The following SEC23IP variants were observed in gnomAD, a reference collection of about 807,000 sequenced individuals.
SEC23IP encodes SEC23-interacting protein.
Under a neutral mutation model 113.4 loss-of-function variants are expected in SEC23IP, and 70 were observed. The ratio of observed to expected loss-of-function variants is 0.62; its 90% confidence interval spans 0.51 to 0.75. The LOEUF (loss-of-function observed/expected upper bound fraction) is 0.75. Among genes scored for constraint, SEC23IP ranks in the 30% least tolerant of loss-of-function variants. SEC23IP has a pLI of 0.00. For missense variants in SEC23IP, 1,160 were observed against 1,204.9 expected, an observed-to-expected ratio of 0.96 and a Z score of 0.55; for synonymous variants, 398 against 421.0, an observed-to-expected ratio of 0.95 and a Z score of 0.67.
intron 18 of SEC23IP, among the ~76,000 whole-genome samples, chr10:119,939,460 A>C (rs1855894895): frequency 6.6e-6 from 1 of 152,006 alleles, no homozygotes; most frequent in East Asian, 1.9e-4. Flanking sequence ...GGCGGATCAC[A>C]AGGTCAGGAG....
chr10:119,902,949 C>A lies in SEC23IP; in HGVS notation c.847C>A (p.Gln283Lys). The change falls in exon 3 of 19, where the codon CAA (glutamine) becomes AAA (lysine). Residue 283 changes from glutamine (Q) to lysine (K), a missense_variant. Gln to Lys is a moderately conservative substitution (Grantham distance 53). Transcript: ENST00000369075. ...TTACTGCAAGGAGGTAGAATACAAA[C>A]AACTGTGGATGCCTTTTAGTGTGTT... ...WFYCKEVEYK[Q>K]LWMPFSVFDS... 1.9e-6 allele frequency: 3 copies of A among 1,614,198 alleles called. No homozygotes were observed. Among genetic ancestry groups the A allele is most frequent in the Non-Finnish European group, 2.5e-6 (3 of 1,180,028 alleles).
chr10:119,904,438 T>A, intron 4 of SEC23IP, 161 bp downstream of exon 4: 1 of 632,586 alleles, frequency 1.6e-6, no homozygotes, highest in South Asian at 2.0e-5. Context: ...TCATCACTCA[T>A]GAGGTGCTAA....
intron 18 of SEC23IP, among the ~76,000 whole-genome samples, chr10:119,938,717 A>G (rs955314349): frequency 1.3e-5 from 2 of 152,224 alleles, no homozygotes; most frequent in African/African-American, 2.4e-5. Context: ...AAAGCAAGAC[A>G]AACAAAACCA....
intron 4 of SEC23IP, among the ~76,000 whole-genome samples, chr10:119,906,449 A>C (rs957161472): frequency 1.2e-4 from 18 of 149,286 alleles, no homozygotes; most frequent in African/African-American, 4.4e-4. Context: ...AGCTGCTTCT[A>C]AATTTTTTGT....
chr10:119,899,132 G>A (rs1468092250), intron 2 of SEC23IP, among the ~76,000 whole-genome samples, 173 bp downstream of exon 2: 2 of 152,188 alleles, frequency 1.3e-5, no homozygotes, highest in African/African-American at 4.8e-5. Flanking sequence ...ATAGCTTATT[G>A]GATGGCTCAT....
intron 12 of SEC23IP, among the ~76,000 whole-genome samples, chr10:119,922,760 T>C (rs1855289048): frequency 6.6e-6 from 1 of 152,190 alleles, no homozygotes; most frequent in African/African-American, 2.4e-5. Flanking sequence ...AAGAGGTATC[T>C]TTCATGTCAT....
intron 12 of SEC23IP, among the ~76,000 whole-genome samples, chr10:119,924,918 C>T (rs945015325): frequency 2.0e-5 from 3 of 152,112 alleles, no homozygotes; most frequent in Non-Finnish European, 4.4e-5. Flanking sequence ...GCTGGGACTT[C>T]AGGCATGCAC....
At chr10:119,920,577 C>T (rs541354952) in intron 11 of SEC23IP, among the ~76,000 whole-genome samples, 7 of 152,254 alleles carry the variant, frequency 4.6e-5, no homozygotes, top group South Asian at 4.1e-4. Flanking sequence ...TCCACAGTTG[C>T]GCTGAGAGGA....
intron 17 of SEC23IP, 42 bp downstream of exon 17, chr10:119,933,209 G>C: frequency 6.6e-7 from 1 of 1,523,066 alleles, no homozygotes; most frequent in Non-Finnish European, 9.0e-7. Flanking sequence ...TGGGCTTTTG[G>C]TGCTAGCACG....
At chr10:119,923,111 T>C (rs1024425257) in intron 12 of SEC23IP, among the ~76,000 whole-genome samples, 1 of 152,178 alleles carries the variant, frequency 6.6e-6, no homozygotes, top group Non-Finnish European at 1.5e-5. Context: ...AAGGATTCTA[T>C]AGTTCTTGAA....
chr10:119,911,911 T>G, intron 5 of SEC23IP, 133 bp from the exon 6 acceptor site: 6 of 1,064,984 alleles, frequency 5.6e-6, no homozygotes, highest in Non-Finnish European at 6.7e-6. Context: ...AAAGTTTGTT[T>G]TGGGGGAACA....
chr10:119,895,170 G>A (rs1854233493), intron 1 of SEC23IP, among the ~76,000 whole-genome samples: 1 of 152,130 alleles, frequency 6.6e-6, no homozygotes, highest in Admixed American at 6.5e-5. Context: ...GATCACCTGA[G>A]GTCAGGAGTT....
chr10:119,894,892 CTG>C (rs3065498), intron 1 of SEC23IP, among the ~76,000 whole-genome samples: 52,706 of 143,274 alleles, frequency 0.37, 10,971 homozygotes, highest in African/African-American at 0.6. Flanking sequence ...TGGAGACAGT[CTG>C]TGTGTGTGTG....
Position 119,929,657 on chromosome 10 carries a change from C to T in SEC23IP, c.2364C>T (p.Ala788=). ...ATTTTGAACCAGAGATATTCTTTGC[C>T]TTGGGGTCTCCAATTGCTATGTTTC... ...SLDFEPEIFF[A]LGSPIAMFLT... The change falls in exon 14 of 19, where the codon GCC becomes GCT. Residue 788 remains alanine, a synonymous_variant. Coordinates refer to ENST00000369075, the MANE Select transcript of SEC23IP (RefSeq NM_007190.4). The T allele has an allele frequency of 1.9e-6, 3 of 1,609,284 alleles. No homozygotes were observed. The highest frequency in any genetic ancestry group is 2.6e-6 in the Non-Finnish European group (3 of 1,175,658).
In SEC23IP at chr10:119,898,455, C is replaced by T; in HGVS notation, c.192C>T (p.Asp64=). The T allele has an allele frequency of 6.2e-7, 1 of 1,613,330 alleles. No homozygotes were observed. Among genetic ancestry groups the T allele is most frequent in the Non-Finnish European group, 8.5e-7 (1 of 1,179,542 alleles). Residue 64 remains aspartate, a synonymous_variant, in exon 2 of 19, where the codon GAC becomes GAT. Coordinates refer to ENST00000369075, the MANE Select transcript of SEC23IP (RefSeq NM_007190.4). ...ATTCCACAGATGTTGGTGAGGAGGACAGCTTCCTTGGTCAGACTTCTATTC... is the reference window on the plus strand; with the variant it reads ...ATTCCACAGATGTTGGTGAGGAGGATAGCTTCCTTGGTCAGACTTCTATTC... ...GEDSTDVGEE[D]SFLGQTSIHT... is the part of the protein sequence containing the mutation.
chr10:119,912,262 C>T, intron 6 of SEC23IP, 98 bp downstream of exon 6: 1 of 1,272,038 alleles, frequency 7.9e-7, no homozygotes, highest in South Asian at 1.6e-5. Context: ...ATTAGAATGC[C>T]CTGCCACAGC....
chr10:119,902,998 T>C lies in SEC23IP; in HGVS notation c.896T>C (p.Ile299Thr). ...TTCGACTCTTTGAATCTTGAAGAAATCTATAATTCAGGTAAACATTGGTCA... is the reference window on the plus strand; with the variant it reads ...TTCGACTCTTTGAATCTTGAAGAAACCTATAATTCAGGTAAACATTGGTCA... ...SVFDSLNLEE[I>T]YNSVQPDPES... Residue 299 changes from isoleucine to threonine, a missense_variant, in exon 3 of 19, where the codon ATC (isoleucine) becomes ACC (threonine). Ile to Thr is a moderately conservative substitution (Grantham distance 89). Coordinates refer to ENST00000369075, the MANE Select transcript of SEC23IP (RefSeq NM_007190.4). The C allele has an allele frequency of 6.2e-7, 1 of 1,613,012 alleles. No homozygotes were observed. The highest frequency in any genetic ancestry group is 8.5e-7 in the Non-Finnish European group (1 of 1,179,106).
At chr10:119,938,807 C>T (rs55687095) in intron 18 of SEC23IP, among the ~76,000 whole-genome samples, 16,446 of 152,214 alleles carry the variant, frequency 0.11, 945 homozygotes, top group South Asian at 0.17. Context: ...GATTCGTTCA[C>T]TATAATTGTT....
intron 18 of SEC23IP, among the ~76,000 whole-genome samples, chr10:119,939,751 A>T (rs1250317910): frequency 6.6e-6 from 1 of 152,208 alleles, no homozygotes; most frequent in East Asian, 1.9e-4. Flanking sequence ...GTGTGAGTGC[A>T]GTGGCGCAAT....
Sources: gnomAD v4.1 joint callset for allele counts (sites outside exome capture counted in the v4.1 genomes callset) on GRCh38, gnomAD v4.1.1 for gene constraint, MANE v1.5 for transcripts, NCBI Gene and HGNC (gene_info 2026-07-23, HGNC 2026-07-21) for gene names.